The following SLC38A5 variants were observed in gnomAD, a reference collection of about 807,000 sequenced individuals.
SLC38A5 encodes solute carrier family 38 member 5.
SLC38A5 carries 9 observed loss-of-function variants against 34.6 expected under a neutral mutation model. The ratio of observed to expected loss-of-function variants is 0.26; its 90% confidence interval spans 0.16 to 0.45. The LOEUF is 0.45. SLC38A5 is among the 20% of genes least tolerant of loss of function. SLC38A5 has a pLI of 1.00. For missense variants in SLC38A5, 253 were observed against 394.7 expected (o/e 0.64, Z 3.04); for synonymous variants, 157 against 155.6 (o/e 1.01, Z -0.07).
chrX:48,466,973 G>A lies in SLC38A5; in HGVS notation c.234C>T (p.Val78=). 1 of 1,211,785 alleles carries A rather than the reference G, an allele frequency of 8.3e-7. No homozygotes were observed. Among genetic ancestry groups the A allele is most frequent in the African/African-American group, 1.7e-5 (1 of 57,938 alleles). The change falls in exon 5 of 17, where the codon GTC becomes GTT. Residue 78 remains valine, a synonymous_variant. Coordinates refer to ENST00000620913, the MANE Select transcript of SLC38A5 (RefSeq NM_033518.4). ...GLAYAMAHTG[V]IFFLALLLCI... ...ACCTATGGACTCACAGGAAGAAGAT[G>A]ACCCCCGTGTGGGCCATGGCATAGG...
chrX:48,467,405 G>A, intron 4 of SLC38A5: 1 of 419,096 alleles, frequency 2.4e-6, no homozygotes. Flanking sequence ...CTGAGGATGG[G>A]GAGTGCTGGA....
In SLC38A5 at chrX:48,458,811, G is replaced by A. The variant is rs571106246; in HGVS notation, c.*122C>T. 1.6e-4 allele frequency: 170 copies of A among 1,090,727 alleles called. 2 individuals carry two copies. The East Asian group carries it at 2.4e-3, about 16-fold the overall frequency. 89.9% of individuals were successfully genotyped at this position (1,090,727 alleles called of 1,213,427 possible). ...CAGTCTGCAGCCTCTGCTGTCCCCC[G>A]CCTCTGACAACCACGTTCATGGGAA... is the stretch of plus-strand genomic sequence containing the variant. On this transcript the variant is annotated 3_prime_UTR_variant, in exon 17 of 17. Coordinates refer to ENST00000620913, the MANE Select transcript of SLC38A5 (RefSeq NM_033518.4).
intron 11 of SLC38A5, 42 bp downstream of exon 11, chrX:48,461,965 G>A: frequency 8.8e-7 from 1 of 1,141,041 alleles, no homozygotes; most frequent in Non-Finnish European, 1.2e-6. Flanking sequence ...AGAACCAGAG[G>A]GCCTGAGTGT....
chrX:48,460,769 G>A lies in SLC38A5; in HGVS notation c.953-5C>T. 1.7e-6 allele frequency: 2 copies of A among 1,207,118 alleles called. No homozygotes were observed. On this transcript the variant is annotated splice_region_variant and splice_polypyrimidine_tract_variant and intron_variant, in intron 13 of 16. Coordinates refer to ENST00000620913, the MANE Select transcript of SLC38A5 (RefSeq NM_033518.4). ...GCATCTCCGCCTTCACACTGCCTGGGCCATGAGACAGAGGGTACGGGATGC... is the reference window on the plus strand; with the variant it reads ...GCATCTCCGCCTTCACACTGCCTGGACCATGAGACAGAGGGTACGGGATGC...
At chrX:48,463,896 A>AAAGG (rs2061456441) in intron 8 of SLC38A5, among the ~76,000 whole-genome samples, 1 of 108,252 alleles carries the variant, frequency 9.2e-6, no homozygotes, top group Admixed American at 9.9e-5. Context: ...AGAAAGAAAG[A>AAAGG]AAGAAAGAAA....
chrX:48,462,345 A>G (rs2061440371), intron 9 of SLC38A5, 54 bp from the exon 10 acceptor site: 1 of 1,138,845 alleles, frequency 8.8e-7, no homozygotes, highest in Non-Finnish European at 1.2e-6. Context: ...GGTGGCTCAC[A>G]CCTATAATCC....
intron 12 of SLC38A5, among the ~76,000 whole-genome samples, chrX:48,461,458 G>C (rs1457930587): frequency 1.8e-5 from 2 of 111,364 alleles, no homozygotes; most frequent in Non-Finnish European, 3.8e-5. Flanking sequence ...CCCTCCATCT[G>C]ATCATCTGAT....
At chrX:48,467,972 T>G in intron 2 of SLC38A5, 47 bp from the exon 3 acceptor site, 1 of 1,138,256 alleles carries the variant, frequency 8.8e-7, no homozygotes, top group East Asian at 3.1e-5. Flanking sequence ...GGAACGAGCA[T>G]GCTTCAAAGT....
chrX:48,460,623 C>G (rs782475872), intron 14 of SLC38A5, 26 bp downstream of exon 14: 73 of 1,193,509 alleles, frequency 6.1e-5, no homozygotes, highest in Non-Finnish European at 8.2e-5. Context: ...CCATCCATGT[C>G]CCTCTCAGCC....
rs782345902 is a variant in SLC38A5 at position 48,466,218 on chromosome X, C to T, written c.412+12G>A. 1 of 1,195,136 alleles carries T rather than the reference C, an allele frequency of 8.4e-7. No homozygotes were observed. Among genetic ancestry groups the T allele is most frequent in the African/African-American group, 1.8e-5 (1 of 56,443 alleles). ...TCCCCCCAAGCTGACCCCCACCTCC[C>T]AGAGTCCTCACCCCCAACATTGTGC... On this transcript the variant is annotated intron_variant, in intron 7 of 16. Coordinates refer to ENST00000620913, the MANE Select transcript of SLC38A5 (RefSeq NM_033518.4).
chrX:48,459,901 G>A, intron 14 of SLC38A5, 25 bp from the exon 15 acceptor site: 1 of 1,195,314 alleles, frequency 8.4e-7, no homozygotes, highest in Non-Finnish European at 1.1e-6. Flanking sequence ...GGGTGGGACA[G>A]AAGTCAGGAC....
At chrX:48,467,833 C>T (rs781799798) in intron 3 of SLC38A5, 39 bp downstream of exon 3, 1 of 1,203,754 alleles carries the variant, frequency 8.3e-7, no homozygotes. Flanking sequence ...AATCCTGACC[C>T]CTGATCCCTG....
Position 48,462,914 on chromosome X carries a change from G to A in SLC38A5, c.558C>T (p.Ala186=). The stretch of plus-strand genomic sequence containing the variant: ...GCCTCTTACCCAAGTGTTTCATGAG[G>A]GCGAGGGGCAGGATGATTAACACAC... ...IVSVLIILPL[A]LMKHLGYLGY... is the part of the protein sequence containing the mutation. The change falls in exon 9 of 17, where the codon GCC becomes GCT. Residue 186 remains alanine, a synonymous_variant. Coordinates refer to ENST00000620913, the MANE Select transcript of SLC38A5 (RefSeq NM_033518.4). The A allele has an allele frequency of 8.3e-7, 1 of 1,208,659 alleles. No individual in the cohort carries two copies. The highest frequency in any genetic ancestry group is 1.1e-6 in the Non-Finnish European group (1 of 894,025).
chrX:48,459,933 C>T (rs782136880), intron 14 of SLC38A5, 57 bp from the exon 15 acceptor site: 16 of 1,162,330 alleles, frequency 1.4e-5, no homozygotes, highest in Admixed American at 1.2e-4. Flanking sequence ...CCCCCTTCCA[C>T]GTGATCATCT....
intron 11 of SLC38A5, 43 bp downstream of exon 11, chrX:48,461,964 G>C: frequency 2.6e-6 from 3 of 1,141,091 alleles, no homozygotes; most frequent in Non-Finnish European, 3.5e-6. Context: ...CAGAACCAGA[G>C]GGCCTGAGTG....
At chrX:48,464,933 A>G (rs2061465250) in intron 8 of SLC38A5, among the ~76,000 whole-genome samples, 1 of 103,510 alleles carries the variant, frequency 9.7e-6, no homozygotes, top group Non-Finnish European at 2.0e-5. Context: ...GACTCTGTCA[A>G]AAAAAAAAAA....
chrX:48,469,213 T>C (rs1346700810), intron 2 of SLC38A5, 122 bp downstream of exon 2: 2 of 133,858 alleles, frequency 1.5e-5, no homozygotes, highest in African/African-American at 6.6e-5. Context: ...ATACACGCCA[T>C]TCCATTCCCC....
chrX:48,468,216 C>T, intron 2 of SLC38A5: 1 of 1,000,406 alleles, frequency 1.0e-6, no homozygotes, highest in Non-Finnish European at 1.3e-6. Flanking sequence ...AAGAGAGAGA[C>T]AGAAAGCTAC....
At chrX:48,463,791 G>GAAGA (rs1331927161) in intron 8 of SLC38A5, among the ~76,000 whole-genome samples, 2 of 67,048 alleles carry the variant, frequency 3.0e-5, no homozygotes, top group African/African-American at 1.1e-4. Flanking sequence ...AAAAAAAAAG[G>GAAGA]AAGAAAGAAA....
Sources: gnomAD v4.1 joint callset for allele counts (sites outside exome capture counted in the v4.1 genomes callset) on GRCh38, gnomAD v4.1.1 for gene constraint, MANE v1.5 for transcripts, NCBI Gene and HGNC (gene_info 2026-07-23, HGNC 2026-07-21) for gene names.